Variants in KDELR1 observed in about 807,000 individuals in gnomAD.
KDELR1 encodes KDEL endoplasmic reticulum protein retention receptor 1.
Under a neutral mutation model 25.5 loss-of-function variants are expected in KDELR1, and 16 were observed. The ratio of observed to expected loss-of-function variants is 0.63; its 90% confidence interval spans 0.43 to 0.95. The LOEUF (loss-of-function observed/expected upper bound fraction) is 0.95, where lower values mean the gene tolerates loss of function less well. Ranked by LOEUF, KDELR1 falls within the 40% of genes least tolerant of loss-of-function variation. KDELR1 has a pLI of 0.00. For missense variants in KDELR1, 159 were observed against 265.2 expected (o/e 0.60, Z 2.78); for synonymous variants, 121 against 115.0 (o/e 1.05, Z -0.33).
At chr19:48,393,075 G>A (rs1970580855), upstream of KDELR1, among the ~76,000 whole-genome samples, 1 of 152,190 alleles carries the variant, frequency 6.6e-6, no homozygotes, top group Non-Finnish European at 1.5e-5. This position sits in a 1 kb window ranked among gnomAD's most constrained non-coding sequence, Gnocchi z 5.6. Context: ...GGAAGGACGG[G>A]GTGCCCAAGG....
chr19:48,396,725 G>A, the KDELR1 span, among the ~76,000 whole-genome samples: 1 of 152,002 alleles, frequency 6.6e-6, no homozygotes, highest in Non-Finnish European at 1.5e-5. Flanking sequence ...GTGGTGGGCA[G>A]AGGGGACGGG....
chr19:48,389,794 C>T (rs929506996), intron 2 of KDELR1, 83 bp from the exon 3 acceptor site: 17 of 1,483,612 alleles, frequency 1.1e-5, no homozygotes, highest in Admixed American at 5.3e-5. Context: ...CAGGCCCCTC[C>T]CTCAGACGCA....
At chr19:48,391,844 A>G (rs1037389220), upstream of KDELR1, among the ~76,000 whole-genome samples, 8 of 152,112 alleles carry the variant, frequency 5.3e-5, no homozygotes, top group African/African-American at 1.7e-4. Flanking sequence ...AAAATCCTGC[A>G]GGGACCCGGA....
chr19:48,383,240 C>A lies in KDELR1; in HGVS notation c.*53G>T, dbSNP rs184944147. The stretch of plus-strand genomic sequence containing the variant: ...GATGGGAAAGCTCTTCATCTTCTGC[C>A]GCCTTCCTCTGCCTCCCGCTGCTGC... On this transcript the variant is annotated 3_prime_UTR_variant, in exon 5 of 5. Transcript: ENST00000330720. The A allele has an allele frequency of 1.3e-6, 2 of 1,537,008 alleles. No homozygotes were observed. The highest frequency in any genetic ancestry group is 3.9e-5 in the Admixed American group (2 of 50,968).
intron 3 of KDELR1, 159 bp downstream of exon 3, chr19:48,389,394 A>T: frequency 1.3e-6 from 1 of 745,664 alleles, no homozygotes; most frequent in Non-Finnish European, 2.3e-6. Flanking sequence ...CTGTTGTGTT[A>T]ATTTCCTCTG....
chr19:48,382,626 T>G lies in KDELR1; in HGVS notation c.*667A>C, dbSNP rs901982584. ...AGAACAAAGATTCAACCATCAGTTC[T>G]GTACAAAAACATGGTGTGAGAGCCA... On this transcript the variant is annotated 3_prime_UTR_variant, in exon 5 of 5. Transcript: ENST00000330720. The G allele has an allele frequency of 6.5e-6, 1 of 153,090 alleles. No individual in the cohort carries two copies. Among genetic ancestry groups the G allele is most frequent in the Non-Finnish European group, 1.5e-5 (1 of 68,390 alleles). 9.5% of individuals were successfully genotyped at this position (153,090 alleles called of 1,614,324 possible). A position where few individuals can be genotyped will look rare whatever the true frequency, so the allele number is the denominator to read the frequency against.
At chr19:48,383,713 T>C (rs1027623286) in intron 4 of KDELR1, among the ~76,000 whole-genome samples, 1 of 151,952 alleles carries the variant, frequency 6.6e-6, no homozygotes, top group Non-Finnish European at 1.5e-5. Context: ...AGGGTCTTGC[T>C]ATGTTGCTCT....
In KDELR1 at chr19:48,391,511, G is replaced by A; in HGVS notation, c.-153C>T. Reference sequence around the variant, plus strand: ...TCCGGGGAGGGGACTTTGGGAGGGGGAGCAAAGGCTGGAGCTGGCGGCGGA... The same window carrying A: ...TCCGGGGAGGGGACTTTGGGAGGGGAAGCAAAGGCTGGAGCTGGCGGCGGA... On this transcript the variant is annotated 5_prime_UTR_variant, in exon 1 of 5. Coordinates refer to ENST00000330720, the MANE Select transcript of KDELR1 (RefSeq NM_006801.3). 1 of 626,206 alleles carries A rather than the reference G, an allele frequency of 1.6e-6. No homozygotes were observed. Among genetic ancestry groups the A allele is most frequent in the East Asian group, 2.8e-5 (1 of 35,532 alleles). The allele number at this position is 626,206 out of a possible 1,614,324, so 38.8% of individuals were successfully genotyped here.
upstream of KDELR1, among the ~76,000 whole-genome samples, chr19:48,393,043 G>A (rs941197048): frequency 2.6e-5 from 4 of 152,244 alleles, no homozygotes; most frequent in South Asian, 2.1e-4. This position sits in a 1 kb window ranked among gnomAD's most constrained non-coding sequence, Gnocchi z 5.6. Context: ...GGGTGCAGGC[G>A]TGTTGATTTC....
At chr19:48,394,380 G>A (rs988625555), upstream of KDELR1, among the ~76,000 whole-genome samples, 7 of 143,688 alleles carry the variant, frequency 4.9e-5, no homozygotes, top group Admixed American at 2.2e-4. The surrounding 1 kb of genome is among the most constrained non-coding windows in gnomAD (Gnocchi z 5.1). Flanking sequence ...GCAATCTCCC[G>A]CTCCTCACAC....
In KDELR1 at chr19:48,391,339, A is replaced by T; in HGVS notation, c.20T>A (p.Leu7Gln). 1 of 1,556,148 alleles carries T rather than the reference A, an allele frequency of 6.4e-7. No individual in the cohort carries two copies. Among genetic ancestry groups the T allele is most frequent in the Non-Finnish European group, 8.7e-7 (1 of 1,149,628 alleles). The change falls in exon 1 of 5, where the codon CTG (leucine) becomes CAG (glutamine). Residue 7 changes from leucine (L) to glutamine (Q), a missense_variant. Coordinates refer to ENST00000330720, the MANE Select transcript of KDELR1 (RefSeq NM_006801.3). MNLFRF[L>Q]GDLSHLLAII... is the part of the protein sequence containing the mutation. ...GGCGAGGAGGTGGGAGAGGTCTCCC[A>T]GGAATCGGAAGAGATTCATGGCTGG...
chr19:48,386,396 C>T (rs1161849006), intron 3 of KDELR1, among the ~76,000 whole-genome samples: 7 of 151,248 alleles, frequency 4.6e-5, no homozygotes, highest in African/African-American at 9.7e-5. Context: ...GGATCACAGG[C>T]GTGAGCCACT....
upstream of KDELR1, among the ~76,000 whole-genome samples, chr19:48,392,349 G>T (rs557229567): frequency 8.0e-6 from 1 of 125,392 alleles, no homozygotes; most frequent in African/African-American, 3.2e-5. Flanking sequence ...CAGACCCAGG[G>T]GTCCAGGGCC....
At chr19:48,388,408 G>A (rs1428152015) in intron 3 of KDELR1, among the ~76,000 whole-genome samples, 1 of 152,076 alleles carries the variant, frequency 6.6e-6, no homozygotes, top group African/African-American at 2.4e-5. Context: ...ATTTGGAGCC[G>A]GGCGCGGTGG....
In KDELR1 at chr19:48,382,871, G is replaced by C. The variant is rs1288577908; in HGVS notation, c.*422C>G. 1 of 172,098 alleles carries C rather than the reference G, an allele frequency of 5.8e-6. No homozygotes were observed. Among genetic ancestry groups the C allele is most frequent in the Non-Finnish European group, 1.2e-5 (1 of 80,810 alleles). The allele number at this position is 172,098 out of a possible 1,614,324, so 10.7% of individuals were successfully genotyped here. On this transcript the variant is annotated 3_prime_UTR_variant, in exon 5 of 5. Coordinates refer to ENST00000330720, the MANE Select transcript of KDELR1 (RefSeq NM_006801.3). ...GCCATGGCAGGAGGTGGGGCAGATG[G>C]GTGTCGGCAGATTTAGTGTTTGGCA...
At chr19:48,392,494 G>A (rs964352005), upstream of KDELR1, among the ~76,000 whole-genome samples, 2 of 152,002 alleles carry the variant, frequency 1.3e-5, no homozygotes, top group African/African-American at 4.8e-5. Flanking sequence ...CTCCTAGGAC[G>A]CTGTTCCTTG....
upstream of KDELR1, among the ~76,000 whole-genome samples, chr19:48,393,604 G>A (rs554461880): frequency 9.2e-5 from 14 of 152,294 alleles, no homozygotes; most frequent in East Asian, 2.3e-3. The surrounding 1 kb of genome is among the most constrained non-coding windows in gnomAD (Gnocchi z 5.6). Context: ...GGGTCCCCAG[G>A]GAGGCCAGGA....
chr19:48,388,931 G>GAAAGAAAGAAAGAAGGAAA (rs1555890279), intron 3 of KDELR1, among the ~76,000 whole-genome samples: 3 of 146,440 alleles, frequency 2.0e-5, no homozygotes, highest in African/African-American at 7.7e-5. Context: ...AAAGAAAGAA[G>GAAAGAAAGAAAGAAGGAAA]GAAAGAAAGA....
chr19:48,384,884 C>CT lies in KDELR1; in HGVS notation c.352-403dup, dbSNP rs1368908139. ...GCCTTGGAAATTTCCCTTCCTTTTT[C>CT]TTTTTCTTTTTTTTTTTTTTGAGAT... On this transcript the variant is annotated intron_variant, in intron 3 of 4. Transcript: ENST00000330720. This position sits in a 1 kb window ranked among gnomAD's most constrained non-coding sequence, Gnocchi z 4.6. 8.4e-4 allele frequency among the ~76,000 whole-genome samples: 109 copies of CT among 129,970 alleles called. No homozygotes were observed. Among genetic ancestry groups the CT allele is most frequent in the Admixed American group, 2.3e-3 (29 of 12,410 alleles). The allele number at this position is 129,970 out of a possible 152,430, so 85.3% of individuals were successfully genotyped here. A position where few individuals can be genotyped will look rare whatever the true frequency, so the allele number is the denominator to read the frequency against.
Sources: gnomAD v4.1 joint callset for allele counts (sites outside exome capture counted in the v4.1 genomes callset) on GRCh38, gnomAD v4.1.1 for gene constraint, Gnocchi (gnomAD v3.1) non-coding constraint, MANE v1.5 for transcripts, NCBI Gene and HGNC (gene_info 2026-07-23, HGNC 2026-07-21) for gene names.